RDX: variants seen among roughly 807,000 people sequenced by gnomAD.
The protein encoded by RDX is radixin.
RDX carries 32 observed loss-of-function variants against 83.7 expected under a neutral mutation model. The observed-to-expected ratio is 0.38, with a 90% confidence interval of 0.29 to 0.51. RDX has a LOEUF of 0.51. Among genes scored for constraint, RDX ranks in the 20% least tolerant of loss-of-function variants. The pLI, the probability that RDX is intolerant of heterozygous loss-of-function variation, is 0.87. For missense variants in RDX, 600 were observed against 689.9 expected (o/e 0.87, Z 1.46); for synonymous variants, 229 against 222.7 (o/e 1.03, Z -0.25).
At chr11:110,228,563 C>A (rs1252818323), downstream of RDX, among the ~76,000 whole-genome samples, 4 of 151,956 alleles carry the variant, frequency 2.6e-5, no homozygotes, top group African/African-American at 9.7e-5. Context: ...ACTTTAGTTT[C>A]CAGCTTTAAC....
At chr11:110,254,161 C>T (rs1859449392) in intron 8 of RDX, 52 bp from the exon 9 acceptor site, 1 of 1,465,510 alleles carries the variant, frequency 6.8e-7, no homozygotes, top group African/African-American at 1.4e-5. Context: ...TACTGTCTCT[C>T]ATAACAATCT....
rs1469761284 is a variant in RDX at position 110,276,254 on chromosome 11, T to A, written c.12+3427A>T. Among the ~76,000 whole-genome samples the A allele has an allele frequency of 4.6e-5, 7 of 152,204 alleles. No homozygotes were observed. In the East Asian group the frequency reaches 1.2e-3, roughly 25 times the overall value. On this transcript the variant is annotated intron_variant, in intron 2 of 13. Transcript: ENST00000645495. ...ATGAAAATAATACAGGGTTTTTTTT[T>A]AATCCCAACATAATTTATTAATTAG... is the stretch of plus-strand genomic sequence containing the variant.
intron 3 of RDX, among the ~76,000 whole-genome samples, chr11:110,270,677 C>T (rs564437808): frequency 7.0e-4 from 107 of 152,322 alleles, no homozygotes; most frequent in African/African-American, 2.6e-3. Flanking sequence ...GCAACTACAA[C>T]TATTGCAGGC....
At position 110,244,586 on chromosome 11, in the gene RDX, G is replaced by A. The variant is rs1211509883; in HGVS notation, c.1090+3117C>T. 5.9e-5 allele frequency among the ~76,000 whole-genome samples: 9 copies of A among 152,116 alleles called. No individual in the cohort carries two copies. The South Asian group carries it at 8.3e-4, about 14-fold the overall frequency. On this transcript the variant is annotated intron_variant, in intron 10 of 13. Coordinates refer to ENST00000645495, the MANE Select transcript of RDX (RefSeq NM_002906.4). The stretch of plus-strand genomic sequence containing the variant: ...GTACTGAGAAGAAATGGGAGTGACC[G>A]CTAATGGGTATGGGATTTCTTTTTG...
At chr11:110,237,811 C>T in intron 10 of RDX, 159 bp from the exon 11 acceptor site, 1 of 848,778 alleles carries the variant, frequency 1.2e-6, no homozygotes, top group Non-Finnish European at 1.9e-6. Flanking sequence ...GAGACAGGGT[C>T]TCGCTCTGTT....
chr11:110,198,236 CATT>C (rs777024922), intron 15 of RDX, among the ~76,000 whole-genome samples: 40 of 151,058 alleles, frequency 2.6e-4, no homozygotes, highest in Non-Finnish European at 4.9e-4. Context: ...ACATAAACAA[CATT>C]GTTGTGGTTT....
intron 14 of RDX, among the ~76,000 whole-genome samples, chr11:110,220,256 C>T (rs772050497): frequency 3.3e-5 from 5 of 152,142 alleles, no homozygotes; most frequent in Non-Finnish European, 7.4e-5. Flanking sequence ...AGGATGAAAA[C>T]TAAAATGACA....
intron 15 of RDX, among the ~76,000 whole-genome samples, chr11:110,177,615 G>A (rs1488201631): frequency 6.6e-6 from 1 of 152,114 alleles, no homozygotes; most frequent in Non-Finnish European, 1.5e-5. Flanking sequence ...GCTCTGGCTG[G>A]ACCTTGGCCT....
chr11:110,220,357 T>C (rs1185294508), intron 14 of RDX, among the ~76,000 whole-genome samples: 2 of 152,210 alleles, frequency 1.3e-5, no homozygotes, highest in African/African-American at 2.4e-5. Context: ...ACAAGATTAA[T>C]AGTGTTACTT....
chr11:110,203,843 G>C (rs1215068769), intron 14 of RDX, among the ~76,000 whole-genome samples: 1 of 152,012 alleles, frequency 6.6e-6, no homozygotes, highest in African/African-American at 2.4e-5. Flanking sequence ...AGAAAAATAT[G>C]TATATGTATG....
chr11:110,294,059 T>G (rs1450843070), intron 1 of RDX, among the ~76,000 whole-genome samples: 1 of 152,192 alleles, frequency 6.6e-6, no homozygotes, highest in East Asian at 1.9e-4. Context: ...ATATAAAGAC[T>G]TTCACTTCAA....
chr11:110,184,060 G>T (rs1353113123), intron 15 of RDX, among the ~76,000 whole-genome samples: 1 of 152,214 alleles, frequency 6.6e-6, no homozygotes, highest in East Asian at 1.9e-4. Context: ...TCCCCTGGAA[G>T]ACCACCAGTG....
At chr11:110,247,213 C>A (rs1025192215) in intron 10 of RDX, among the ~76,000 whole-genome samples, 1 of 151,990 alleles carries the variant, frequency 6.6e-6, no homozygotes, top group South Asian at 2.1e-4. Context: ...CGTTATAACA[C>A]GTCTATGTGT....
At chr11:110,202,426 C>T (rs1336726485) in intron 14 of RDX, among the ~76,000 whole-genome samples, 1 of 151,710 alleles carries the variant, frequency 6.6e-6, no homozygotes. Flanking sequence ...AGTATATTAA[C>T]ATTTTTCTTT....
At chr11:110,205,431 CAAAAAA>C (rs35103862) in intron 14 of RDX, among the ~76,000 whole-genome samples, 3 of 47,078 alleles carry the variant, frequency 6.4e-5, no homozygotes, top group East Asian at 6.8e-4. Flanking sequence ...TTTACCTATC[CAAAAAA>C]AAAAAAAAAA....
chr11:110,294,367 C>T (rs1319154181), intron 1 of RDX, among the ~76,000 whole-genome samples: 1 of 152,230 alleles, frequency 6.6e-6, no homozygotes, highest in Non-Finnish European at 1.5e-5. Context: ...GCATATCACC[C>T]TGGGAGACAG....
intron 10 of RDX, among the ~76,000 whole-genome samples, chr11:110,238,378 T>C (rs949957904): frequency 2.6e-5 from 4 of 152,080 alleles, no homozygotes; most frequent in African/African-American, 9.7e-5. Flanking sequence ...AAAATAAATT[T>C]TTAAGAGAGT....
chr11:110,265,874 C>T (rs1860019568), intron 3 of RDX, among the ~76,000 whole-genome samples: 1 of 152,158 alleles, frequency 6.6e-6, no homozygotes, highest in African/African-American at 2.4e-5. Context: ...ATCTATCCTG[C>T]TATTAGAAAA....
At chr11:110,296,294 G>A (rs550582905) in intron 1 of RDX, among the ~76,000 whole-genome samples, 173 bp downstream of exon 1, 5 of 152,014 alleles carry the variant, frequency 3.3e-5, no homozygotes, top group Non-Finnish European at 5.9e-5. Flanking sequence ...CTGGCCGGCC[G>A]GGCCGTTACC....
Sources: gnomAD v4.1 joint callset for allele counts (sites outside exome capture counted in the v4.1 genomes callset) on GRCh38, gnomAD v4.1.1 for gene constraint, MANE v1.5 for transcripts, NCBI Gene and HGNC (gene_info 2026-07-23, HGNC 2026-07-21) for gene names.